Variants in FTO observed in about 807,000 individuals in gnomAD.
FTO encodes alpha-ketoglutarate-dependent dioxygenase FTO.
Under a neutral mutation model 63.9 loss-of-function variants are expected in FTO, and 47 were observed. The observed-to-expected ratio is 0.74, with a 90% CI of 0.58 to 0.94. The LOEUF is 0.94. Among genes scored for constraint, FTO ranks in the 40% least tolerant of loss-of-function variants. The pLI, the probability that FTO is intolerant of heterozygous loss-of-function variation, is 0.00. For missense variants in FTO, 562 were observed against 618.1 expected, an observed-to-expected ratio of 0.91 and a Z score of 0.96; for synonymous variants, 207 against 224.4, an observed-to-expected ratio of 0.92 and a Z score of 0.69.
intron 8 of FTO, among the ~76,000 whole-genome samples, chr16:54,079,601 A>T (rs34738020): frequency 6.6e-6 from 1 of 152,168 alleles, no homozygotes; most frequent in Admixed American, 6.5e-5. Flanking sequence ...TAGAGAGGCA[A>T]CCCACGGGGT....
intron 8 of FTO, among the ~76,000 whole-genome samples, chr16:54,048,261 A>G (rs2144314004): frequency 2.0e-5 from 1 of 51,130 alleles, no homozygotes. Flanking sequence ...TACTTGAAAA[A>G]AAAAAAAAAA....
chr16:53,861,866 T>C (rs1407515317), intron 4 of FTO, among the ~76,000 whole-genome samples: 2 of 152,174 alleles, frequency 1.3e-5, no homozygotes, highest in Non-Finnish European at 2.9e-5. Context: ...TCTTTGAGTC[T>C]TTGCATTATA....
intron 7 of FTO, among the ~76,000 whole-genome samples, chr16:53,914,510 T>C (rs1269001690): frequency 1.3e-5 from 2 of 152,174 alleles, no homozygotes; most frequent in Non-Finnish European, 2.9e-5. Context: ...CTGCCTCCTG[T>C]CAAGTCCCTA....
chr16:53,931,330 G>GAGGTTCACTCTTGTTGCCC (rs1426345674), intron 7 of FTO, among the ~76,000 whole-genome samples: 1 of 130,440 alleles, frequency 7.7e-6, no homozygotes, highest in African/African-American at 3.0e-5. Context: ...TTTTAAGACA[G>GAGGTTCACTCTTGTTGCCC]AGGTTCACTC....
rs376244042 is a variant in FTO, at chr16:54,014,576, G to A, written c.1364+80467G>A. Among the ~76,000 whole-genome samples, 5 of 152,006 alleles carry A rather than the reference G, an allele frequency of 3.3e-5. No homozygotes were observed. The East Asian group carries it at 5.8e-4, about 18-fold the overall frequency. On this transcript the variant is annotated intron_variant, in intron 8 of 8. Coordinates refer to ENST00000471389, the MANE Select transcript of FTO (RefSeq NM_001080432.3). ...CTTTTTTTATAAATTACCCAGCCTC[G>A]GGTGTTCCTTCATAGCAAGGCAGAC...
At chr16:53,821,158 G>A (rs540594051) in intron 2 of FTO, among the ~76,000 whole-genome samples, 16 of 152,236 alleles carry the variant, frequency 1.1e-4, no homozygotes, top group African/African-American at 3.9e-4. Flanking sequence ...GTGGGCAGGC[G>A]TTTGTGCATA....
intron 1 of FTO, among the ~76,000 whole-genome samples, chr16:53,787,049 T>G (rs1393139879): frequency 7.5e-6 from 1 of 133,782 alleles, no homozygotes; most frequent in Non-Finnish European, 1.5e-5. Flanking sequence ...AGGCAGAGGT[T>G]GCAGTGAGCC....
At chr16:53,773,548 T>A (rs2077392149) in intron 1 of FTO, among the ~76,000 whole-genome samples, 1 of 152,130 alleles carries the variant, frequency 6.6e-6, no homozygotes, top group Admixed American at 6.6e-5. Flanking sequence ...GTGTAATAAT[T>A]AGCAGAATTT....
Position 53,826,405 on chromosome 16 carries a change from G to A in FTO, c.665G>A (p.Gly222Asp), listed in dbSNP as rs983657094. ...MPYLKEEPYF[G>D]MGKMAVSWHH... The stretch of plus-strand genomic sequence containing the variant: ...TACCTGAAAGAGGAACCTTATTTTG[G>A]CATGGGGAAAATGGCAGTGAGCTGG... The change falls in exon 3 of 9, where the codon GGC becomes GAC. Residue 222 changes from glycine (G) to aspartate (D), a missense_variant. Gly to Asp is a moderately conservative substitution (Grantham distance 94, BLOSUM62 -1). Transcript: ENST00000471389. The A allele has an allele frequency of 6.2e-7, 1 of 1,614,136 alleles. No individual in the cohort carries two copies. The highest frequency in any genetic ancestry group is 8.5e-7 in the Non-Finnish European group (1 of 1,180,024).
chr16:53,926,102 G>A (rs2082131891), intron 7 of FTO, among the ~76,000 whole-genome samples: 2 of 152,170 alleles, frequency 1.3e-5, no homozygotes, highest in African/African-American at 4.8e-5. Flanking sequence ...TACTGAAATG[G>A]AGAAAGTGGG....
rs1004960786 is a variant in FTO, at chr16:54,110,607, C to G, written c.1365-1155C>G. On this transcript the variant is annotated intron_variant, in intron 8 of 8. Coordinates refer to ENST00000471389, the MANE Select transcript of FTO (RefSeq NM_001080432.3). ...ATTCCCCAGAGAAGAAGATGTCTTT[C>G]AGTTAGGAACCCTCTCTACCATCAG... 1.8e-4 allele frequency among the ~76,000 whole-genome samples: 27 copies of G among 152,352 alleles called. No individual in the cohort carries two copies. In the East Asian group the frequency reaches 5.0e-3, roughly 28 times the overall value.
intron 8 of FTO, chr16:54,070,839 G>A (rs1478651812): frequency 1.3e-5 from 2 of 152,158 alleles, no homozygotes; most frequent in South Asian, 2.1e-4. Flanking sequence ...ACTCAAACTC[G>A]GCAAGAGGGG....
chr16:54,060,725 C>T (rs536042687), intron 8 of FTO, among the ~76,000 whole-genome samples: 33 of 152,262 alleles, frequency 2.2e-4, no homozygotes, highest in East Asian at 1.4e-3. Flanking sequence ...CATACTGGGA[C>T]GCTAGTTTCA....
chr16:53,741,349 C>T (rs2076524487), intron 1 of FTO, among the ~76,000 whole-genome samples: 1 of 152,106 alleles, frequency 6.6e-6, no homozygotes. Context: ...ATTCTATGTG[C>T]TTTTGTAATT....
intron 8 of FTO, among the ~76,000 whole-genome samples, chr16:54,018,410 A>ATAGATAGATAGT (rs1390829658): frequency 7.4e-6 from 1 of 134,330 alleles, no homozygotes; most frequent in Non-Finnish European, 1.7e-5. Context: ...AGATAGATAG[A>ATAGATAGATAGT]TACATACATA....
chr16:53,938,809 G>T (rs1599038470), intron 8 of FTO, among the ~76,000 whole-genome samples: 1 of 152,134 alleles, frequency 6.6e-6, no homozygotes, highest in South Asian at 2.1e-4. Context: ...AAACCCTTTG[G>T]CTGGGCATGG....
chr16:53,723,418 C>T (rs2076084482), intron 1 of FTO, among the ~76,000 whole-genome samples: 1 of 152,142 alleles, frequency 6.6e-6, no homozygotes, highest in South Asian at 2.1e-4. Context: ...GTTCAGTGTA[C>T]AATGAATATG....
At chr16:54,057,047 A>G (rs1040675049) in intron 8 of FTO, among the ~76,000 whole-genome samples, 7 of 152,212 alleles carry the variant, frequency 4.6e-5, no homozygotes, top group Non-Finnish European at 1.0e-4. Flanking sequence ...GGAGAGTGAG[A>G]TGGACACGGA....
At chr16:53,709,423 GA>G (rs1567916522) in intron 1 of FTO, among the ~76,000 whole-genome samples, 1 of 152,184 alleles carries the variant, frequency 6.6e-6, no homozygotes, top group African/African-American at 2.4e-5. Flanking sequence ...TTACTGTAGG[GA>G]TAGGGGATTC....
Sources: allele counts gnomAD v4.1 joint callset (sites outside exome capture counted in the v4.1 genomes callset), GRCh38; gene constraint gnomAD v4.1.1; transcripts MANE v1.5; gene names NCBI Gene and HGNC (gene_info 2026-07-23, HGNC 2026-07-21).